RERGL: variants seen among roughly 807,000 people sequenced by gnomAD.
RERGL encodes the protein ras-related and estrogen-regulated growth inhibitor-like protein.
A neutral mutation model predicts 24.7 loss-of-function variants in RERGL; 22 were observed. That is an observed-to-expected ratio of 0.89 (90% CI 0.64 to 1.27). The LOEUF (loss-of-function observed/expected upper bound fraction) is 1.27. Among genes scored for constraint, RERGL ranks in the 50% most tolerant of loss-of-function variants. RERGL has a pLI of 0.00. For synonymous variants in RERGL, 76 were observed against 82.6 expected (o/e 0.92, Z 0.43); for missense variants, 259 against 235.3 (o/e 1.10, Z -0.66).
intron 2 of RERGL, among the ~76,000 whole-genome samples, chr12:18,087,915 A>G (rs1158867524): frequency 1.3e-5 from 2 of 152,140 alleles, no homozygotes; most frequent in Admixed American, 1.3e-4. Flanking sequence ...CTTGCCCTAA[A>G]ATGTTCATAA....
At chr12:18,090,060 A>C (rs543741538) in intron 1 of RERGL, 29 bp downstream of exon 1, 2 of 1,512,630 alleles carry the variant, frequency 1.3e-6, no homozygotes, top group Non-Finnish European at 1.8e-6. Flanking sequence ...TCTACACTCT[A>C]TGATAACAGA....
At chr12:18,081,566 T>C (rs1246290548) in intron 4 of RERGL, 93 bp from the exon 5 acceptor site, 9 of 1,230,462 alleles carry the variant, frequency 7.3e-6, no homozygotes, top group South Asian at 1.7e-5. Flanking sequence ...CAAAGGATTA[T>C]AAATCAAAAA....
At chr12:18,089,427 T>A in intron 1 of RERGL, 1 of 1,288,700 alleles carries the variant, frequency 7.8e-7, no homozygotes, top group Non-Finnish European at 9.9e-7. Context: ...TGGTATCCAT[T>A]CATCATGTCA....
chr12:18,087,948 T>C (rs1395552929), intron 2 of RERGL, among the ~76,000 whole-genome samples: 2 of 152,270 alleles, frequency 1.3e-5, no homozygotes, highest in Non-Finnish European at 2.9e-5. Context: ...TGAAATACTA[T>C]GTTGAATTCA....
chr12:18,086,792 C>A (rs1947225996), intron 2 of RERGL, among the ~76,000 whole-genome samples: 2 of 152,126 alleles, frequency 1.3e-5, no homozygotes, highest in African/African-American at 4.8e-5. Context: ...CAGACCTCAT[C>A]CCTGAACTCC....
intron 2 of RERGL, among the ~76,000 whole-genome samples, chr12:18,087,838 T>C (rs1947234584): frequency 6.6e-6 from 1 of 152,192 alleles, no homozygotes; most frequent in African/African-American, 2.4e-5. Flanking sequence ...TGTCGTTGCC[T>C]TCACAAATGA....
intron 1 of RERGL, chr12:18,089,190 G>T: frequency 1.3e-6 from 2 of 1,548,192 alleles, no homozygotes; most frequent in Non-Finnish European, 1.8e-6. Flanking sequence ...AAATCACTAT[G>T]CAGTTAATTC....
chr12:18,088,837 TAA>T (rs1947243355), intron 2 of RERGL, 61 bp downstream of exon 2: 1 of 1,008,774 alleles, frequency 9.9e-7, no homozygotes, highest in Non-Finnish European at 1.6e-6. Context: ...TCTCTGTACT[TAA>T]GTGGGATTTA....
At chr12:18,089,388 A>G (rs1947249351) in intron 1 of RERGL, 2 of 1,362,594 alleles carry the variant, frequency 1.5e-6, no homozygotes, top group African/African-American at 3.0e-5. Context: ...GTAGGGACCT[A>G]CAAATCCAGG....
chr12:18,083,880 A>T (rs751493705), intron 4 of RERGL, among the ~76,000 whole-genome samples: 5 of 152,226 alleles, frequency 3.3e-5, no homozygotes, highest in Non-Finnish European at 4.4e-5. Flanking sequence ...TGACTGAAAA[A>T]TAGGGAAAAC....
chr12:18,083,366 T>C (rs1308845113), intron 4 of RERGL, among the ~76,000 whole-genome samples: 2 of 152,136 alleles, frequency 1.3e-5, no homozygotes, highest in Non-Finnish European at 2.9e-5. Flanking sequence ...TCTTGAGTGA[T>C]TACTCTGATT....
chr12:18,087,138 G>C (rs181391830), intron 2 of RERGL, among the ~76,000 whole-genome samples: 1 of 152,124 alleles, frequency 6.6e-6, no homozygotes, highest in East Asian at 1.9e-4. Context: ...TTATCACAAA[G>C]CCTCCTAAGT....
At chr12:18,082,172 G>A (rs1947180493) in intron 4 of RERGL, among the ~76,000 whole-genome samples, 1 of 150,586 alleles carries the variant, frequency 6.6e-6, no homozygotes, top group Non-Finnish European at 1.5e-5. Context: ...ATGAGAGCAT[G>A]CCCTTTGCGG....
In RERGL at chr12:18,081,136, C is replaced by A. The variant is rs2136824623; in HGVS notation, c.*55G>T. 6.7e-7 allele frequency: 1 copy of A among 1,481,806 alleles called. No homozygotes were observed. The highest frequency in any genetic ancestry group is 2.1e-5 in the Admixed American group (1 of 47,064). 91.8% of individuals were successfully genotyped at this position (1,481,806 alleles called of 1,614,324 possible). Reference sequence around the variant, plus strand: ...TGCATACAAAGGTTAGTTTAATTATCATGTGAATGTTTGAAACTCTCTGAT... The same window carrying A: ...TGCATACAAAGGTTAGTTTAATTATAATGTGAATGTTTGAAACTCTCTGAT... On this transcript the variant is annotated 3_prime_UTR_variant, in exon 5 of 5. Coordinates refer to ENST00000538724, the MANE Select transcript of RERGL (RefSeq NM_001286201.2).
At chr12:18,089,157 T>C in intron 1 of RERGL, 1 of 1,328,528 alleles carries the variant, frequency 7.5e-7, no homozygotes, top group Non-Finnish European at 1.1e-6. Context: ...AGAAAGGAAG[T>C]GATCTTAAAG....
chr12:18,089,324 A>G (rs762917862), intron 1 of RERGL: 13 of 1,564,134 alleles, frequency 8.3e-6, no homozygotes, highest in Non-Finnish European at 8.7e-7. Context: ...GCTTCAAGGT[A>G]CTATGTGTAA....
chr12:18,088,065 C>T (rs562154114), intron 2 of RERGL, among the ~76,000 whole-genome samples: 39 of 152,198 alleles, frequency 2.6e-4, no homozygotes, highest in Middle Eastern at 6.8e-3. Flanking sequence ...TGGAAAAATA[C>T]ACTTGCAATC....
chr12:18,084,467 A>T, intron 4 of RERGL, 50 bp downstream of exon 4: 1 of 1,533,772 alleles, frequency 6.5e-7, no homozygotes, highest in Non-Finnish European at 8.8e-7. Context: ...GCTTACAGCT[A>T]TATGATGATT....
intron 2 of RERGL, among the ~76,000 whole-genome samples, chr12:18,086,549 C>T (rs1381439818): frequency 3.3e-5 from 5 of 152,080 alleles, no homozygotes; most frequent in African/African-American, 1.2e-4. Context: ...ATTTCCTTTA[C>T]GTGACCTTCA....
Sources: allele counts gnomAD v4.1 joint callset (sites outside exome capture counted in the v4.1 genomes callset), GRCh38; gene constraint gnomAD v4.1.1; transcripts MANE v1.5; gene names NCBI Gene and HGNC (gene_info 2026-07-23, HGNC 2026-07-21).